UST: variants seen among roughly 807,000 people sequenced by gnomAD.
The protein encoded by UST is chondroitin sulfate 2-O-sulfotransferase.
Under a neutral mutation model 45.6 loss-of-function variants are expected in UST, and 21 were observed. The ratio of observed to expected loss-of-function variants is 0.46; its 90% CI spans 0.33 to 0.66. The LOEUF (loss-of-function observed/expected upper bound fraction) is 0.66, where lower values mean the gene tolerates loss of function less well. Ranked by LOEUF, UST falls within the 30% of genes least tolerant of loss-of-function variation. The pLI is 0.02. For synonymous variants in UST, 215 were observed against 200.6 expected (o/e 1.07, Z -0.61); for missense variants, 463 against 512.4 (o/e 0.90, Z 0.93).
At chr6:148,886,012 A>G (rs1248319567) in intron 1 of UST, among the ~76,000 whole-genome samples, 1 of 152,174 alleles carries the variant, frequency 6.6e-6, no homozygotes, top group Non-Finnish European at 1.5e-5. Context: ...CCCCTCTTGG[A>G]TAGGCGCCTT....
At chr6:148,882,176 A>C (rs889591630) in intron 1 of UST, among the ~76,000 whole-genome samples, 1 of 152,100 alleles carries the variant, frequency 6.6e-6, no homozygotes, top group African/African-American at 2.4e-5. Flanking sequence ...GCACAGAAAG[A>C]AGCATTAAAG....
chr6:148,860,942 T>A (rs1778301162), intron 1 of UST, among the ~76,000 whole-genome samples: 1 of 152,210 alleles, frequency 6.6e-6, no homozygotes, highest in Non-Finnish European at 1.5e-5. Context: ...ATCAGGGATA[T>A]TGGTCTAAAA....
chr6:148,747,625 T>C lies in UST; in HGVS notation c.195T>C (p.Tyr65=), dbSNP rs1169331568. Residue 65 remains tyrosine, a synonymous_variant, in exon 1 of 8, where the codon TAT becomes TAC. Transcript: ENST00000367463. ...TCTTCTGCCTGGGCTCCCTCCTCTA[T>C]CAGCTCAGCGGGGGACCCCCTCGCT... The part of the protein sequence containing the change: ...LLVFCLGSLL[Y]QLSGGPPRFL... The C allele has an allele frequency of 5.0e-6, 8 of 1,603,062 alleles. No individual in the cohort carries two copies. The highest frequency in any genetic ancestry group is 1.4e-5 in the African/African-American group (1 of 73,952).
intron 7 of UST, among the ~76,000 whole-genome samples, chr6:149,070,660 A>G (rs1776806533): frequency 6.6e-6 from 1 of 152,214 alleles, no homozygotes; most frequent in Admixed American, 6.5e-5. Context: ...GTTTTGATAC[A>G]GGCATGCAAT....
chr6:149,056,381 AC>A (rs2115039191), intron 7 of UST, among the ~76,000 whole-genome samples: 1 of 152,208 alleles, frequency 6.6e-6, no homozygotes, highest in East Asian at 1.9e-4. Context: ...TGCTGGGATT[AC>A]AGGCCTAAGC....
In UST at chr6:148,788,013, C is replaced by T. The variant is rs140711654; in HGVS notation, c.247+40336C>T. On this transcript the variant is annotated intron_variant, in intron 1 of 7. Coordinates refer to ENST00000367463, the MANE Select transcript of UST (RefSeq NM_005715.3). ...TTCATGCTGCTGATAAAGATGTACC[C>T]GAGACTGGGAAGAAAAAGAGGTTTA... Among the ~76,000 whole-genome samples, 33 of 152,160 alleles carry T rather than the reference C, an allele frequency of 2.2e-4. 1 individual carries two copies. The highest frequency in any genetic ancestry group is 6.5e-4 in the African/African-American group (27 of 41,512).
chr6:149,054,989 A>G (rs76864972), intron 7 of UST, among the ~76,000 whole-genome samples: 5,763 of 152,288 alleles, frequency 0.038, 378 homozygotes, highest in African/African-American at 0.13. Flanking sequence ...GAGAACCCAC[A>G]GCTCTCACAG....
chr6:148,856,362 G>A lies in UST; in HGVS notation c.248-30624G>A, dbSNP rs539596722. 5.3e-5 allele frequency among the ~76,000 whole-genome samples: 8 copies of A among 152,278 alleles called. No homozygotes were observed. The East Asian group carries it at 1.4e-3, about 26-fold the overall frequency. On this transcript the variant is annotated intron_variant, in intron 1 of 7. Transcript: ENST00000367463. Reference sequence around the variant, plus strand: ...ATTATGTAAGGTAAATAGGGGAAACGTTCACAAAGATGATTCATGCTAAAC... The same window carrying A: ...ATTATGTAAGGTAAATAGGGGAAACATTCACAAAGATGATTCATGCTAAAC...
chr6:148,919,089 C>T lies in UST; in HGVS notation c.292-22190C>T, dbSNP rs17079845. ...CTGCAAGAAAAATGAAACTGAACCC[C>T]GTTAATACCCAGTCTCCAACTCCCA... On this transcript the variant is annotated intron_variant, in intron 2 of 7. Coordinates refer to ENST00000367463, the MANE Select transcript of UST (RefSeq NM_005715.3). 0.021 allele frequency among the ~76,000 whole-genome samples: 3,173 copies of T among 152,198 alleles called. 308 individuals are homozygous for T. In the East Asian group the frequency reaches 0.32, roughly 15 times the overall value.
chr6:148,863,723 A>G (rs550559712), intron 1 of UST, among the ~76,000 whole-genome samples: 1 of 152,202 alleles, frequency 6.6e-6, no homozygotes, highest in Admixed American at 6.5e-5. Flanking sequence ...TCCTTCTAAC[A>G]GTCAGGACCC....
intron 1 of UST, among the ~76,000 whole-genome samples, chr6:148,812,605 G>C (rs1020463851): frequency 2.0e-5 from 3 of 152,156 alleles, no homozygotes; most frequent in Non-Finnish European, 4.4e-5. Flanking sequence ...TCACTCACAT[G>C]GCAGCCAGCA....
chr6:148,747,399 C>T lies in UST; in HGVS notation c.-32C>T, dbSNP rs905105859. The T allele has an allele frequency of 7.3e-7, 1 of 1,374,276 alleles. No individual in the cohort carries two copies. The highest frequency in any genetic ancestry group is 9.4e-7 in the Non-Finnish European group (1 of 1,058,456). 85.1% of individuals were successfully genotyped at this position (1,374,276 alleles called of 1,614,324 possible). ...GCGGATGGGTGACCTTTTCCTGGCACGGGCAGGCTGTGGGAGGCAGCGGAG... is the reference window on the plus strand; with the variant it reads ...GCGGATGGGTGACCTTTTCCTGGCATGGGCAGGCTGTGGGAGGCAGCGGAG... On this transcript the variant is annotated 5_prime_UTR_variant, in exon 1 of 8. In the 5' UTR this introduces an upstream ATG that the reference lacks. Transcript: ENST00000367463.
intron 4 of UST, among the ~76,000 whole-genome samples, chr6:148,954,718 G>A (rs1310997666): frequency 1.3e-5 from 2 of 152,194 alleles, no homozygotes; most frequent in African/African-American, 2.4e-5. Context: ...TAAGCAATGC[G>A]TGACTGTAAA....
chr6:148,964,019 T>C (rs772622550), intron 4 of UST, among the ~76,000 whole-genome samples: 1 of 152,168 alleles, frequency 6.6e-6, no homozygotes, highest in Non-Finnish European at 1.5e-5. Context: ...CGAGGGCCAA[T>C]TGTGTCCCTG....
At chr6:148,809,334 T>A (rs113895970) in intron 1 of UST, among the ~76,000 whole-genome samples, 1 of 152,096 alleles carries the variant, frequency 6.6e-6, no homozygotes, top group East Asian at 1.9e-4. Flanking sequence ...TTTTTTTTTT[T>A]TCTCACCTGC....
intron 1 of UST, among the ~76,000 whole-genome samples, chr6:148,886,465 A>G (rs1321368803): frequency 1.3e-5 from 2 of 152,232 alleles, no homozygotes; most frequent in Non-Finnish European, 2.9e-5. Flanking sequence ...CTATTAGTGA[A>G]GACAAATCAA....
intron 2 of UST, among the ~76,000 whole-genome samples, chr6:148,911,340 C>T (rs1296621959): frequency 1.3e-5 from 2 of 152,118 alleles, no homozygotes; most frequent in Non-Finnish European, 2.9e-5. Context: ...ACATTATCTG[C>T]GATTTCTGTC....
intron 7 of UST, among the ~76,000 whole-genome samples, chr6:149,035,390 T>C (rs1776226916): frequency 6.6e-6 from 1 of 152,206 alleles, no homozygotes; most frequent in Non-Finnish European, 1.5e-5. Flanking sequence ...TGGTTTGGGC[T>C]CTCTTTTTCA....
intron 7 of UST, among the ~76,000 whole-genome samples, chr6:149,059,312 G>A (rs1056833230): frequency 6.6e-6 from 1 of 152,224 alleles, no homozygotes; most frequent in Non-Finnish European, 1.5e-5. Flanking sequence ...CTCATGAACC[G>A]AAACCTCTAC....
Sources: gnomAD v4.1 joint callset for allele counts (sites outside exome capture counted in the v4.1 genomes callset) on GRCh38, gnomAD v4.1.1 for gene constraint, MANE v1.5 for transcripts, NCBI Gene and HGNC (gene_info 2026-07-23, HGNC 2026-07-21) for gene names.